Variants in LRRIQ1 observed in about 807,000 individuals in gnomAD.
The protein encoded by LRRIQ1 is leucine-rich repeat- and IQ domain-containing protein 1.
A neutral mutation model predicts 211.9 loss-of-function variants in LRRIQ1; 210 were observed. That is an observed-to-expected ratio of 0.99 (90% CI 0.89 to 1.11). LRRIQ1 has a LOEUF of 1.11. Among genes scored for constraint, LRRIQ1 ranks in the 50% most tolerant of loss-of-function variants. The pLI is 0.00. For missense variants in LRRIQ1, 2,136 were observed against 1,939.5 expected (o/e 1.10, Z -1.90); for synonymous variants, 699 against 650.1 (o/e 1.08, Z -1.14).
intron 24 of LRRIQ1, among the ~76,000 whole-genome samples, chr12:85,207,507 AGAAGCATTTTTAATTTTAAT>A (rs1893619251): frequency 6.6e-6 from 1 of 152,184 alleles, no homozygotes; most frequent in Non-Finnish European, 1.5e-5. Context: ...TCTTTCACAC[AGAAGCATTTTTAATTTTAAT>A]GAAGTCTGAA....
chr12:85,181,940 G>GAT (rs1408707239), intron 24 of LRRIQ1, among the ~76,000 whole-genome samples: 1 of 151,692 alleles, frequency 6.6e-6, no homozygotes, highest in African/African-American at 2.4e-5. Flanking sequence ...ATTTTTCTTT[G>GAT]ATATATTTCT....
intron 2 of LRRIQ1, among the ~76,000 whole-genome samples, chr12:85,039,100 T>C (rs1028176627): frequency 6.6e-6 from 1 of 151,366 alleles, no homozygotes; most frequent in Admixed American, 6.6e-5. Context: ...TACATTATTA[T>C]GTCTTTTATC....
At chr12:85,110,376 T>C (rs1289471551) in intron 15 of LRRIQ1, among the ~76,000 whole-genome samples, 1 of 152,134 alleles carries the variant, frequency 6.6e-6, no homozygotes, top group African/African-American at 2.4e-5. Context: ...TCTCATTTAA[T>C]CTATACAATA....
chr12:85,250,945 A>G (rs1321656188), intron 1 of LRRIQ1, among the ~76,000 whole-genome samples: 1 of 110,670 alleles, frequency 9.0e-6, no homozygotes, highest in Non-Finnish European at 1.7e-5. Context: ...TATATAATAT[A>G]TTTTATATAT....
At chr12:85,160,025 G>A (rs1467521504) in intron 23 of LRRIQ1, among the ~76,000 whole-genome samples, 3 of 151,986 alleles carry the variant, frequency 2.0e-5, no homozygotes, top group South Asian at 4.1e-4. Flanking sequence ...TTGTCAGGTT[G>A]CTCATGCTGG....
chr12:85,270,840 C>A, the LRRIQ1 span, among the ~76,000 whole-genome samples: 1 of 152,062 alleles, frequency 6.6e-6, no homozygotes, highest in South Asian at 2.1e-4. Flanking sequence ...CCACAGCCAG[C>A]GAGTGGTAGA....
At chr12:85,086,904 G>T (rs1884880828) in intron 11 of LRRIQ1, among the ~76,000 whole-genome samples, 1 of 151,186 alleles carries the variant, frequency 6.6e-6, no homozygotes, top group Admixed American at 6.6e-5. Flanking sequence ...CCTCCACTTT[G>T]CATTCAACGA....
At chr12:85,072,728 C>A (rs1418177483) in intron 10 of LRRIQ1, among the ~76,000 whole-genome samples, 179 bp from the exon 11 acceptor site, 1 of 151,480 alleles carries the variant, frequency 6.6e-6, no homozygotes, top group Non-Finnish European at 1.5e-5. Flanking sequence ...GTTTGCCTAC[C>A]TGGCCATCTT....
intron 24 of LRRIQ1, among the ~76,000 whole-genome samples, chr12:85,198,236 T>C (rs902116494): frequency 6.9e-6 from 1 of 144,572 alleles, no homozygotes; most frequent in East Asian, 2.0e-4. Context: ...GTTGGTTCCA[T>C]GTCTTTGTTA....
rs764195939 is a variant in LRRIQ1, at chr12:85,038,188, T to C, written c.12T>C (p.Asp4=). The change falls in exon 2 of 27, where the codon GAT becomes GAC. Residue 4 remains aspartate (D), a synonymous_variant. Transcript: ENST00000393217. MDD[D]DAKLKAEIEA... ...TATTATGAAGAATAATGGACGATGA[T>C]GATGCAAAGCTCAAAGCAGAAATAG... The C allele has an allele frequency of 1.3e-6, 2 of 1,563,188 alleles. No homozygotes were observed. Among genetic ancestry groups the C allele is most frequent in the Non-Finnish European group, 1.7e-6 (2 of 1,152,664 alleles).
chr12:85,087,532 A>G (rs550979780), intron 11 of LRRIQ1, among the ~76,000 whole-genome samples: 9 of 152,326 alleles, frequency 5.9e-5, no homozygotes, highest in Non-Finnish European at 1.3e-4. Flanking sequence ...GTCTTCCACA[A>G]TGGTTGAACT....
intron 19 of LRRIQ1, 118 bp downstream of exon 19, chr12:85,138,087 TAACATTGAGA>T: frequency 1.6e-6 from 1 of 609,646 alleles, no homozygotes. Context: ...ACTTTTTTCC[TAACATTGAGA>T]AACTTTTCCT....
intron 24 of LRRIQ1, among the ~76,000 whole-genome samples, chr12:85,209,658 T>C (rs1893739768): frequency 6.6e-6 from 1 of 152,190 alleles, no homozygotes; most frequent in Non-Finnish European, 1.5e-5. Context: ...CTAGTAAATA[T>C]CTGTACCTAA....
chr12:85,179,245 C>T (rs1437693449), intron 24 of LRRIQ1, among the ~76,000 whole-genome samples: 2 of 151,958 alleles, frequency 1.3e-5, no homozygotes, highest in Non-Finnish European at 2.9e-5. Flanking sequence ...CTCTATCTTT[C>T]TCTCTCATTC....
chr12:85,182,953 T>A (rs940078424), intron 24 of LRRIQ1, among the ~76,000 whole-genome samples: 1 of 152,158 alleles, frequency 6.6e-6, no homozygotes, highest in African/African-American at 2.4e-5. Flanking sequence ...CAAACCCAGT[T>A]CACAACCGCG....
At chr12:85,141,681 C>A (rs1301489229) in intron 19 of LRRIQ1, among the ~76,000 whole-genome samples, 3 of 149,440 alleles carry the variant, frequency 2.0e-5, no homozygotes, top group African/African-American at 7.4e-5. Flanking sequence ...CTTATAACTG[C>A]ATATAGTTGG....
intron 24 of LRRIQ1, among the ~76,000 whole-genome samples, chr12:85,178,427 AG>A (rs1042868262): frequency 1.3e-5 from 2 of 151,772 alleles, no homozygotes; most frequent in African/African-American, 4.8e-5. Context: ...CCCCACCTTT[AG>A]TTATTCTGCA....
At chr12:85,172,642 T>C (rs1891473335) in intron 24 of LRRIQ1, among the ~76,000 whole-genome samples, 1 of 152,116 alleles carries the variant, frequency 6.6e-6, no homozygotes, top group South Asian at 2.1e-4. Flanking sequence ...ATGGGAATAT[T>C]AGGAAGGGGC....
At chr12:85,200,653 AG>A (rs1267412004) in intron 24 of LRRIQ1, among the ~76,000 whole-genome samples, 2 of 151,510 alleles carry the variant, frequency 1.3e-5, no homozygotes, top group African/African-American at 2.4e-5. Flanking sequence ...AGTTCGTTGA[AG>A]GGATGTTGGA....
Sources: gnomAD v4.1 joint callset for allele counts (sites outside exome capture counted in the v4.1 genomes callset) on GRCh38, gnomAD v4.1.1 for gene constraint, MANE v1.5 for transcripts, NCBI Gene and HGNC (gene_info 2026-07-23, HGNC 2026-07-21) for gene names.